Variants in KIRREL3 observed in about 807,000 individuals in gnomAD.
KIRREL3 encodes the protein kin of IRRE-like protein 3.
Under a neutral mutation model 89.7 loss-of-function variants are expected in KIRREL3, and 36 were observed. The observed-to-expected ratio is 0.40, with a 90% CI of 0.31 to 0.53. The LOEUF (loss-of-function observed/expected upper bound fraction) is 0.53. KIRREL3 is among the 20% of genes least tolerant of loss of function. KIRREL3 has a pLI of 0.49. For synonymous variants in KIRREL3, 445 were observed against 441.4 expected (o/e 1.01, Z -0.10); for missense variants, 864 against 1,056.6 (o/e 0.82, Z 2.53).
intron 4 of KIRREL3, among the ~76,000 whole-genome samples, chr11:126,518,780 C>T (rs1958498154): frequency 6.6e-6 from 1 of 152,264 alleles, no homozygotes; most frequent in African/African-American, 2.4e-5. Context: ...TCAGCTGCTG[C>T]ACTGGGGGCC....
intron 1 of KIRREL3, among the ~76,000 whole-genome samples, chr11:126,626,461 A>G (rs1177442933): frequency 6.6e-6 from 1 of 152,234 alleles, no homozygotes; most frequent in East Asian, 1.9e-4. Context: ...CACACAGGCC[A>G]CAGGGCTGAA....
At chr11:126,717,951 C>T (rs1466067827) in intron 1 of KIRREL3, among the ~76,000 whole-genome samples, 3 of 152,108 alleles carry the variant, frequency 2.0e-5, no homozygotes, top group Non-Finnish European at 4.4e-5. Flanking sequence ...GGTAGTGAGC[C>T]GTGATTGCTA....
Position 126,788,099 on chromosome 11 carries a change from CACG to C in KIRREL3, c.55+212353_55+212355del, listed in dbSNP as rs1363313858. On this transcript the variant is annotated intron_variant, in intron 1 of 16. Transcript: ENST00000525144. The surrounding 1 kb of genome is among the most constrained non-coding windows in gnomAD (Gnocchi z 4.1). ...CGGCTCTGGAGCCCATACTCTTAGC[CACG>C]ACAATATTCCGCCTCCCATAGCATC... Among the ~76,000 whole-genome samples the C allele has an allele frequency of 4.6e-5, 7 of 152,192 alleles. No individual in the cohort carries two copies. Among genetic ancestry groups the C allele is most frequent in the African/African-American group, 1.7e-4 (7 of 41,448 alleles).
rs1942929103 is a variant in KIRREL3, at chr11:126,607,288, C to T, written c.56-44376G>A. ...GGCCAGAGGGGCAAGGCGAGGAAGT[C>T]GCCATAACACATTTGGTGTGGTTTT... On this transcript the variant is annotated intron_variant, in intron 1 of 16. Coordinates refer to ENST00000525144, the MANE Select transcript of KIRREL3 (RefSeq NM_032531.4). The surrounding 1 kb of genome is among the most constrained non-coding windows in gnomAD (Gnocchi z 6.6). Among the ~76,000 whole-genome samples, 1 of 152,214 alleles carries T rather than the reference C, an allele frequency of 6.6e-6. No individual in the cohort carries two copies. The highest frequency in any genetic ancestry group is 1.5e-5 in the Non-Finnish European group (1 of 68,046).
intron 1 of KIRREL3, among the ~76,000 whole-genome samples, chr11:126,784,929 G>A (rs7929599): frequency 0.87 from 131,825 of 152,238 alleles, 57,346 homozygotes; most frequent in East Asian, 1. Flanking sequence ...TCCATGATCA[G>A]TGAATTCATT....
Position 126,476,664 on chromosome 11 carries a change from TGGGG to T in KIRREL3, c.434-3202_434-3199del, listed in dbSNP as rs58169991. On this transcript the variant is annotated intron_variant, in intron 4 of 16. Coordinates refer to ENST00000525144, the MANE Select transcript of KIRREL3 (RefSeq NM_032531.4). The surrounding 1 kb of genome is among the most constrained non-coding windows in gnomAD (Gnocchi z 6.4). Reference sequence around the variant, plus strand: ...CTGCACACCAGATGGGGGTGGGGGCTGGGGGGGGGTGGGGGTTGGTGAGGATGGA... The same window carrying T: ...CTGCACACCAGATGGGGGTGGGGGCTGGGGGTGGGGGTTGGTGAGGATGGA... Among the ~76,000 whole-genome samples the T allele has an allele frequency of 0.26, 22,370 of 87,344 alleles. 1,712 individuals are homozygous for T. Among genetic ancestry groups the T allele is most frequent in the Middle Eastern group, 0.36 (48 of 134 alleles). The allele number at this position is 87,344 out of a possible 152,430, so 57.3% of individuals were successfully genotyped here.
intron 1 of KIRREL3, among the ~76,000 whole-genome samples, chr11:126,756,935 C>A (rs887630963): frequency 1.3e-5 from 2 of 152,212 alleles, no homozygotes; most frequent in Non-Finnish European, 2.9e-5. Context: ...ACACTGGTTT[C>A]TTTGAGTGCC....
chr11:126,555,112 A>C lies in KIRREL3; in HGVS notation c.133+7723T>G, dbSNP rs1939603346. On this transcript the variant is annotated intron_variant, in intron 2 of 16. Transcript: ENST00000525144. This position sits in a 1 kb window ranked among gnomAD's most constrained non-coding sequence, Gnocchi z 4.2. ...GACCTGATTCTTCCTGACACTGGAC[A>C]AGAAGCTGGGTGCCGAGAGGGCAGG... is the stretch of plus-strand genomic sequence containing the variant. Among the ~76,000 whole-genome samples, 1 of 152,220 alleles carries C rather than the reference A, an allele frequency of 6.6e-6. No individual in the cohort carries two copies. The highest frequency in any genetic ancestry group is 1.5e-5 in the Non-Finnish European group (1 of 68,040).
chr11:126,806,552 C>T (rs2134409630), intron 1 of KIRREL3, among the ~76,000 whole-genome samples: 1 of 152,292 alleles, frequency 6.6e-6, no homozygotes, highest in East Asian at 1.9e-4. Context: ...CAGTGATACT[C>T]CCTGAGTTGA....
chr11:126,785,860 G>A (rs902826898), intron 1 of KIRREL3, among the ~76,000 whole-genome samples: 3 of 112,290 alleles, frequency 2.7e-5, no homozygotes, highest in East Asian at 3.0e-4. Context: ...GTGACACAGC[G>A]AGACTCCGTC....
intron 1 of KIRREL3, among the ~76,000 whole-genome samples, chr11:126,779,273 C>T (rs971103901): frequency 1.3e-5 from 2 of 152,170 alleles, no homozygotes; most frequent in Non-Finnish European, 2.9e-5. Context: ...CGACAGATCT[C>T]ACCTCTCCCA....
intron 1 of KIRREL3, among the ~76,000 whole-genome samples, chr11:126,851,776 C>T (rs183100601): frequency 2.6e-4 from 40 of 152,312 alleles, no homozygotes; most frequent in Admixed American, 1.9e-3. Context: ...TCTTTATTTG[C>T]CCTTTTTTGA....
At chr11:126,583,849 G>A (rs1941686106) in intron 1 of KIRREL3, among the ~76,000 whole-genome samples, 2 of 152,186 alleles carry the variant, frequency 1.3e-5, no homozygotes, top group South Asian at 2.1e-4. Context: ...CGGCAGGCCC[G>A]AGGCAGCCAG....
In KIRREL3 at chr11:126,574,939, G is replaced by A. The variant is rs139844547; in HGVS notation, c.56-12027C>T. On this transcript the variant is annotated intron_variant, in intron 1 of 16. Coordinates refer to ENST00000525144, the MANE Select transcript of KIRREL3 (RefSeq NM_032531.4). This position sits in a 1 kb window ranked among gnomAD's most constrained non-coding sequence, Gnocchi z 5.3. ...GAACAATCATGCTTACAAGGTTTTCGGTGCACATGGGAGGTGGGGATCAGT... is the reference window on the plus strand; with the variant it reads ...GAACAATCATGCTTACAAGGTTTTCAGTGCACATGGGAGGTGGGGATCAGT... 8.4e-3 allele frequency among the ~76,000 whole-genome samples: 1,282 copies of A among 152,218 alleles called. 20 individuals carry two copies. The highest frequency in any genetic ancestry group is 0.029 in the African/African-American group (1,209 of 41,516).
intron 1 of KIRREL3, among the ~76,000 whole-genome samples, chr11:126,899,919 G>A (rs1250778229): frequency 6.6e-6 from 1 of 152,230 alleles, no homozygotes; most frequent in African/African-American, 2.4e-5. Context: ...CCTAGACACA[G>A]AACATCTTCT....
intron 1 of KIRREL3, among the ~76,000 whole-genome samples, chr11:126,960,446 C>T (rs1326258391): frequency 2.0e-5 from 3 of 152,174 alleles, no homozygotes; most frequent in African/African-American, 7.2e-5. Context: ...GTGCTCACTC[C>T]CTGGGATCTT....
At chr11:126,448,279 CAAA>C (rs55787866) in intron 8 of KIRREL3, among the ~76,000 whole-genome samples, 28,270 of 94,186 alleles carry the variant, frequency 0.3, 2,266 homozygotes, top group Admixed American at 0.33. Flanking sequence ...GAGACTGTCT[CAAA>C]AAAAAAAAAA....
At position 126,668,233 on chromosome 11, in the gene KIRREL3, C is replaced by T. The variant is rs1461675623; in HGVS notation, c.56-105321G>A. On this transcript the variant is annotated intron_variant, in intron 1 of 16. Coordinates refer to ENST00000525144, the MANE Select transcript of KIRREL3 (RefSeq NM_032531.4). This position sits in a 1 kb window ranked among gnomAD's most constrained non-coding sequence, Gnocchi z 4.4. The stretch of plus-strand genomic sequence containing the variant: ...CTTCTTCATAGGCAGTGCCTTCTCT[C>T]TGTGTCCTTACATCGTGGAAGGGAC... 6.6e-6 allele frequency among the ~76,000 whole-genome samples: 1 copy of T among 152,132 alleles called. No homozygotes were observed. The highest frequency in any genetic ancestry group is 1.9e-4 in the East Asian group (1 of 5,198).
chr11:126,648,736 C>T (rs1163052115), intron 1 of KIRREL3, among the ~76,000 whole-genome samples: 1 of 151,042 alleles, frequency 6.6e-6, no homozygotes, highest in East Asian at 2.0e-4. Context: ...TGATAATCTT[C>T]AAGAAGCACA....
Sources: gnomAD v4.1 joint callset for allele counts (sites outside exome capture counted in the v4.1 genomes callset) on GRCh38, gnomAD v4.1.1 for gene constraint, Gnocchi (gnomAD v3.1) non-coding constraint, MANE v1.5 for transcripts, NCBI Gene and HGNC (gene_info 2026-07-23, HGNC 2026-07-21) for gene names.